The following EML6 variants were observed in gnomAD, a reference collection of about 807,000 sequenced individuals.
The protein encoded by EML6 is echinoderm microtubule-associated protein-like 6.
In EML6, 154 loss-of-function variants were observed where a neutral mutation model predicts 240.1. That is an observed-to-expected ratio of 0.64 (90% CI 0.56 to 0.73). The LOEUF (loss-of-function observed/expected upper bound fraction) is 0.73, where lower values mean the gene tolerates loss of function less well. Ranked by LOEUF, EML6 falls within the 30% of genes least tolerant of loss-of-function variation. The pLI, the probability that EML6 is intolerant of heterozygous loss-of-function variation, is 0.00. For synonymous variants in EML6, 1,148 were observed against 899.0 expected (o/e 1.28, Z -4.95); for missense variants, 2,964 against 2,474.6 (o/e 1.20, Z -4.20).
intron 2 of EML6, among the ~76,000 whole-genome samples, chr2:54,778,019 T>C (rs963843880): frequency 6.6e-6 from 1 of 152,206 alleles, no homozygotes; most frequent in East Asian, 1.9e-4. Flanking sequence ...TAAAAGATAA[T>C]CTAGGCATTC....
intron 26 of EML6, among the ~76,000 whole-genome samples, chr2:54,927,929 G>A (rs1176226873): frequency 6.6e-6 from 1 of 152,218 alleles, no homozygotes; most frequent in Admixed American, 6.5e-5. Flanking sequence ...GTAGGAGATG[G>A]CTGTGAAGAC....
intron 40 of EML6, 73 bp from the exon 41 acceptor site, chr2:54,968,595 G>A (rs1573234133): frequency 1.2e-6 from 1 of 868,014 alleles, no homozygotes; most frequent in African/African-American, 1.7e-5. Flanking sequence ...GGGGATTTGA[G>A]TGCTGGAAGT....
chr2:54,877,702 C>A (rs547701419), intron 16 of EML6, among the ~76,000 whole-genome samples: 1 of 152,298 alleles, frequency 6.6e-6, no homozygotes, highest in South Asian at 2.1e-4. Flanking sequence ...TTTTGAAAGA[C>A]GTAGTTTATA....
chr2:54,955,897 C>T lies in EML6; in HGVS notation c.4486+1741C>T, dbSNP rs115951892. On this transcript the variant is annotated intron_variant, in intron 32 of 41. Coordinates refer to ENST00000356458, the MANE Select transcript of EML6 (RefSeq NM_001039753.4). ...CCTTCCTTCTCCAGTGTGGGTTTGC[C>T]TTCATTTCAAGTCTTACTTACAGAT... Among the ~76,000 whole-genome samples, 739 of 152,264 alleles carry T rather than the reference C, an allele frequency of 4.9e-3. 6 individuals carry two copies. Among genetic ancestry groups the T allele is most frequent in the African/African-American group, 0.017 (705 of 41,532 alleles).
At chr2:54,916,201 T>C (rs913201711) in intron 25 of EML6, among the ~76,000 whole-genome samples, 4 of 152,232 alleles carry the variant, frequency 2.6e-5, no homozygotes, top group African/African-American at 9.7e-5. Context: ...AGTTGTGTCT[T>C]GTAACTTTTT....
intron 21 of EML6, among the ~76,000 whole-genome samples, chr2:54,896,712 C>T (rs535785890): frequency 2.0e-4 from 31 of 152,302 alleles, no homozygotes; most frequent in African/African-American, 7.2e-4. Flanking sequence ...TTGATGCCTG[C>T]AGGCTTGCTG....
chr2:54,759,324 C>T lies in EML6; in HGVS notation c.197+34066C>T, dbSNP rs190238262. Among the ~76,000 whole-genome samples the T allele has an allele frequency of 2.9e-3, 439 of 151,064 alleles. 1 individual carries two copies. The highest frequency in any genetic ancestry group is 5.2e-3 in the Non-Finnish European group (351 of 67,846). ...AAAACTTGAGTTTAGGAATACTGTC[C>T]AAAGAATTTTTTTTATAGCTAATTG... On this transcript the variant is annotated intron_variant, in intron 2 of 41. Coordinates refer to ENST00000356458, the MANE Select transcript of EML6 (RefSeq NM_001039753.4).
At chr2:54,841,586 CTTTTTTT>C (rs3038252) in intron 7 of EML6, among the ~76,000 whole-genome samples, 2 of 118,918 alleles carry the variant, frequency 1.7e-5, no homozygotes, top group African/African-American at 3.3e-5. Context: ...TTTGTCTTGG[CTTTTTTT>C]TTTTTTTTTT....
chr2:54,962,845 C>CT, intron 36 of EML6, 134 bp downstream of exon 36: 1 of 610,920 alleles, frequency 1.6e-6, no homozygotes, highest in African/African-American at 1.9e-5. Flanking sequence ...GTTAGAAAAC[C>CT]TAACGATAAA....
At chr2:54,783,399 T>G (rs1668939342) in intron 2 of EML6, among the ~76,000 whole-genome samples, 1 of 152,222 alleles carries the variant, frequency 6.6e-6, no homozygotes. Context: ...CAAATAACAT[T>G]CAGAACATCA....
chr2:54,764,781 G>C (rs1403081783), intron 2 of EML6, among the ~76,000 whole-genome samples: 2 of 152,184 alleles, frequency 1.3e-5, no homozygotes, highest in Non-Finnish European at 2.9e-5. Context: ...GGCCATGGTG[G>C]CCTTTTCAGC....
At chr2:54,908,233 A>T (rs1355976790) in intron 24 of EML6, among the ~76,000 whole-genome samples, 7 of 149,246 alleles carry the variant, frequency 4.7e-5, no homozygotes, top group Admixed American at 4.0e-4. Context: ...TTTTTGAGAC[A>T]GGGTCCCACT....
chr2:54,887,958 G>A (rs1474447159), intron 17 of EML6, among the ~76,000 whole-genome samples: 3 of 152,116 alleles, frequency 2.0e-5, no homozygotes, highest in African/African-American at 7.2e-5. Context: ...GCATTCACTT[G>A]TTTTGTACAT....
At chr2:54,944,802 C>T (rs1675596988) in intron 28 of EML6, among the ~76,000 whole-genome samples, 1 of 152,052 alleles carries the variant, frequency 6.6e-6, no homozygotes, top group Non-Finnish European at 1.5e-5. Flanking sequence ...CATAGGAATA[C>T]ACTCAACAGA....
At chr2:54,832,352 G>A (rs1668914580) in intron 7 of EML6, among the ~76,000 whole-genome samples, 2 of 152,186 alleles carry the variant, frequency 1.3e-5, no homozygotes, top group Admixed American at 1.3e-4. Flanking sequence ...CAAGGAAGGA[G>A]GATGTTGAGT....
rs571241348 is a variant in EML6, at chr2:54,724,820, C to G, written c.-242C>G. The stretch of plus-strand genomic sequence containing the variant: ...CCGGCGCCCCCAGAGCCGCCTTGCC[C>G]GGGTAGAGGGAGCCCGGCGCCCGGC... On this transcript the variant is annotated 5_prime_UTR_variant, in exon 2 of 42. Coordinates refer to ENST00000356458, the MANE Select transcript of EML6 (RefSeq NM_001039753.4). This position sits in a 1 kb window ranked among gnomAD's most constrained non-coding sequence, Gnocchi z 5.2. The G allele has an allele frequency of 2.7e-3, 443 of 167,078 alleles. 2 individuals are homozygous for G. The highest frequency in any genetic ancestry group is 9.4e-3 in the African/African-American group (394 of 41,758). The allele number at this position is 167,078 out of a possible 1,614,324, so 10.3% of individuals were successfully genotyped here. A position where few individuals can be genotyped will look rare whatever the true frequency, so the allele number is the denominator to read the frequency against.
intron 10 of EML6, among the ~76,000 whole-genome samples, chr2:54,852,019 A>G (rs968639294): frequency 6.6e-6 from 1 of 152,240 alleles, no homozygotes; most frequent in African/African-American, 2.4e-5. Flanking sequence ...GGAGTATTAG[A>G]AACTCTGAGA....
chr2:54,924,005 A>G (rs1165839184), intron 26 of EML6, among the ~76,000 whole-genome samples: 2 of 152,234 alleles, frequency 1.3e-5, no homozygotes, highest in Non-Finnish European at 2.9e-5. Flanking sequence ...TGTGGATATA[A>G]CAGGTTGTTC....
At chr2:54,869,899 C>T (rs1391277550) in intron 15 of EML6, among the ~76,000 whole-genome samples, 4 of 152,074 alleles carry the variant, frequency 2.6e-5, no homozygotes, top group East Asian at 1.9e-4. Flanking sequence ...AAACAGGGAC[C>T]CTCTACAATC....
Sources: gnomAD v4.1 joint callset for allele counts (sites outside exome capture counted in the v4.1 genomes callset) on GRCh38, gnomAD v4.1.1 for gene constraint, Gnocchi (gnomAD v3.1) non-coding constraint, MANE v1.5 for transcripts, NCBI Gene and HGNC (gene_info 2026-07-23, HGNC 2026-07-21) for gene names.